The following COMMD1 variants were observed in gnomAD, a reference collection of about 807,000 sequenced individuals.
COMMD1 encodes the protein COMM domain-containing protein 1.
A neutral mutation model predicts 17.2 loss-of-function variants in COMMD1; 10 were observed. The ratio of observed to expected loss-of-function variants is 0.58; its 90% CI spans 0.36 to 0.99. The LOEUF is 0.99. Ranked by LOEUF, COMMD1 falls within the 50% of genes least tolerant of loss-of-function variation. The pLI is 0.01. For synonymous variants in COMMD1, 97 were observed against 91.6 expected (o/e 1.06, Z -0.34); for missense variants, 270 against 231.8 (o/e 1.17, Z -1.07).
intron 1 of COMMD1, among the ~76,000 whole-genome samples, chr2:61,963,253 A>G (rs1362623274): frequency 1.3e-5 from 2 of 151,854 alleles, no homozygotes; most frequent in Non-Finnish European, 2.9e-5. Flanking sequence ...ACACACACAT[A>G]TATATTTGTA....
intron 2 of COMMD1, among the ~76,000 whole-genome samples, chr2:62,053,385 G>GA (rs566186422): frequency 9.3e-5 from 14 of 149,794 alleles, no homozygotes; most frequent in Admixed American, 4.0e-4. Context: ...TTTGTGCAAT[G>GA]AAAAAAAAAT....
chr2:61,946,924 A>G (rs1467986892), intron 1 of COMMD1, among the ~76,000 whole-genome samples: 2 of 152,146 alleles, frequency 1.3e-5, no homozygotes, highest in East Asian at 3.8e-4. Flanking sequence ...GTCTCCCTTC[A>G]TGCTTATTGC....
Position 61,986,627 on chromosome 2 carries a change from G to A in COMMD1, c.181-14074G>A, listed in dbSNP as rs185467618. ...TCTGCTGCCCAGGCTGGAGTGCAGT[G>A]GCATGATCTCAGCTTGCTGCAACCT... On this transcript the variant is annotated intron_variant, in intron 1 of 2. Coordinates refer to ENST00000311832, the MANE Select transcript of COMMD1 (RefSeq NM_152516.4). 2.2e-4 allele frequency among the ~76,000 whole-genome samples: 32 copies of A among 143,734 alleles called. No individual in the cohort carries two copies. The East Asian group carries it at 3.8e-3, about 17-fold the overall frequency. The allele number at this position is 143,734 out of a possible 152,430, so 94.3% of individuals were successfully genotyped here.
intron 2 of COMMD1, among the ~76,000 whole-genome samples, chr2:62,009,013 A>C (rs1306577601): frequency 6.6e-6 from 1 of 151,958 alleles, no homozygotes; most frequent in Non-Finnish European, 1.5e-5. Flanking sequence ...TGAACTCCTG[A>C]CCTCAAGTGA....
At chr2:61,930,481 G>C (rs1670432898) in intron 1 of COMMD1, among the ~76,000 whole-genome samples, 1 of 152,104 alleles carries the variant, frequency 6.6e-6, no homozygotes, top group Non-Finnish European at 1.5e-5. Context: ...TCTTGAACCT[G>C]TGAGGCGGAG....
intron 1 of COMMD1, among the ~76,000 whole-genome samples, chr2:61,987,926 C>T (rs1672147757): frequency 6.6e-6 from 1 of 152,212 alleles, no homozygotes; most frequent in African/African-American, 2.4e-5. Context: ...TTCTCCCAGG[C>T]AGGAGAGCCT....
chr2:61,931,356 G>C (rs1230048865), intron 1 of COMMD1, among the ~76,000 whole-genome samples: 1 of 152,068 alleles, frequency 6.6e-6, no homozygotes, highest in Non-Finnish European at 1.5e-5. Flanking sequence ...ATGGACCACA[G>C]AGATGGCTTG....
chr2:61,932,178 T>TA (rs1335252137), intron 1 of COMMD1, among the ~76,000 whole-genome samples: 1 of 152,214 alleles, frequency 6.6e-6, no homozygotes, highest in African/African-American at 2.4e-5. Flanking sequence ...CCTCTCTGCT[T>TA]ACATTCTTAA....
At chr2:61,916,217 A>G (rs1248535498) in intron 1 of COMMD1, among the ~76,000 whole-genome samples, 1 of 151,824 alleles carries the variant, frequency 6.6e-6, no homozygotes, top group Non-Finnish European at 1.5e-5. Flanking sequence ...CTGCCTTGGC[A>G]TCCCAAAGTG....
At chr2:61,920,287 G>A (rs1434571578) in intron 1 of COMMD1, among the ~76,000 whole-genome samples, 2 of 151,906 alleles carry the variant, frequency 1.3e-5, no homozygotes, top group African/African-American at 4.8e-5. Flanking sequence ...ACACAAAAAT[G>A]TTAATTTTTA....
intron 2 of COMMD1, among the ~76,000 whole-genome samples, chr2:62,030,026 G>C (rs115195035): frequency 0.014 from 2,107 of 152,352 alleles, 54 homozygotes; most frequent in African/African-American, 0.048. Context: ...CAGCCATGTA[G>C]AAACATGATT....
chr2:61,997,098 C>A (rs1293043796), intron 1 of COMMD1, among the ~76,000 whole-genome samples: 1 of 148,590 alleles, frequency 6.7e-6, no homozygotes, highest in Non-Finnish European at 1.5e-5. Flanking sequence ...CTTGCTGTGT[C>A]ACCCAGGCAG....
chr2:62,084,387 A>G (rs1671603536), intron 2 of COMMD1, among the ~76,000 whole-genome samples: 1 of 152,178 alleles, frequency 6.6e-6, no homozygotes, highest in Non-Finnish European at 1.5e-5. Flanking sequence ...AGTTAAAGAA[A>G]ATGTTATTAA....
At chr2:61,909,565 C>T (rs1485569323) in intron 1 of COMMD1, among the ~76,000 whole-genome samples, 3 of 152,138 alleles carry the variant, frequency 2.0e-5, no homozygotes, top group Non-Finnish European at 4.4e-5. Context: ...TGGGGGTAAC[C>T]AATGTGGAGT....
chr2:61,967,186 A>C (rs988414373), intron 1 of COMMD1, among the ~76,000 whole-genome samples: 1 of 152,190 alleles, frequency 6.6e-6, no homozygotes, highest in Non-Finnish European at 1.5e-5. Flanking sequence ...AGAACTGTCC[A>C]ATCTGTCTAC....
intron 2 of COMMD1, among the ~76,000 whole-genome samples, chr2:62,087,513 A>C (rs965550028): frequency 1.3e-5 from 2 of 152,232 alleles, no homozygotes; most frequent in African/African-American, 2.4e-5. Context: ...TGGGAGGCTA[A>C]GGCAGGTGGA....
At chr2:61,972,280 T>C (rs1671670374) in intron 1 of COMMD1, among the ~76,000 whole-genome samples, 1 of 152,228 alleles carries the variant, frequency 6.6e-6, no homozygotes, top group Non-Finnish European at 1.5e-5. Flanking sequence ...CTAATTATAC[T>C]GCTGCTATTA....
upstream of COMMD1, among the ~76,000 whole-genome samples, chr2:61,902,181 C>T: frequency 6.6e-6 from 1 of 151,090 alleles, no homozygotes; most frequent in East Asian, 2.0e-4. Flanking sequence ...AGGTAACAAG[C>T]ACTAATATTT....
At chr2:61,965,046 A>T (rs1389466083) in intron 1 of COMMD1, among the ~76,000 whole-genome samples, 1 of 151,550 alleles carries the variant, frequency 6.6e-6, no homozygotes, top group Non-Finnish European at 1.5e-5. Flanking sequence ...AAAAAAAATT[A>T]AAAAAAAAGA....
Sources: gnomAD v4.1 joint callset for allele counts (sites outside exome capture counted in the v4.1 genomes callset) on GRCh38, gnomAD v4.1.1 for gene constraint, MANE v1.5 for transcripts, NCBI Gene and HGNC (gene_info 2026-07-23, HGNC 2026-07-21) for gene names.